Variants in ADGRV1 observed in about 807,000 individuals in gnomAD.
ADGRV1 encodes G-protein coupled receptor 98.
A neutral mutation model predicts 596.2 loss-of-function variants in ADGRV1; 359 were observed. The observed-to-expected ratio is 0.60, with a 90% CI of 0.55 to 0.66. The LOEUF (loss-of-function observed/expected upper bound fraction) is 0.66. ADGRV1 is among the 30% of genes least tolerant of loss of function. The probability of loss-of-function intolerance (pLI) is 0.00; values close to 1 mark genes in which losing one functional copy is unlikely to be tolerated. For missense variants in ADGRV1, 7,274 were observed against 7,575.6 expected, an observed-to-expected ratio of 0.96 and a Z score of 1.48; for synonymous variants, 2,681 against 2,679.2, an observed-to-expected ratio of 1.00 and a Z score of -0.02.
chr5:91,062,014 G>A (rs911565080), intron 85 of ADGRV1, among the ~76,000 whole-genome samples: 2 of 152,124 alleles, frequency 1.3e-5, no homozygotes, highest in African/African-American at 4.8e-5. Context: ...GCATTCCCGT[G>A]GATATTCAAA....
At position 90,619,081 on chromosome 5, in the gene ADGRV1, T is replaced by G; in HGVS notation, c.358-5T>G. 7.3e-7 allele frequency: 1 copy of G among 1,369,230 alleles called. No homozygotes were observed. Among genetic ancestry groups the G allele is most frequent in the Non-Finnish European group, 9.8e-7 (1 of 1,024,840 alleles). The allele number at this position is 1,369,230 out of a possible 1,614,324, so 84.8% of individuals were successfully genotyped here. A position where few individuals can be genotyped will look rare whatever the true frequency, so the allele number is the denominator to read the frequency against. On this transcript the variant is annotated splice_polypyrimidine_tract_variant and splice_region_variant and intron_variant, in intron 3 of 89. Transcript: ENST00000405460. ...CATTATTTTATTTTTGGGATTTTAT[T>G]TTAGAAACCTTCAGCAAATGTGAAG...
At chr5:90,564,374 T>TGGAAGAGAGGGAGTGGAAAAA (rs1755259855) in intron 1 of ADGRV1, among the ~76,000 whole-genome samples, 1 of 151,870 alleles carries the variant, frequency 6.6e-6, no homozygotes, top group Non-Finnish European at 1.5e-5. Context: ...TGAAAAATGG[T>TGGAAGAGAGGGAGTGGAAAAA]GGAAGAGAGG....
intron 52 of ADGRV1, among the ~76,000 whole-genome samples, chr5:90,748,596 G>C (rs116289785): frequency 6.6e-6 from 1 of 152,054 alleles, no homozygotes; most frequent in Admixed American, 6.5e-5. Context: ...GACATGAACT[G>C]GGTCTTGAGT....
In ADGRV1 at chr5:90,696,893, G is replaced by A. The variant is rs184812285; in HGVS notation, c.7946-44G>A. The A allele has an allele frequency of 3.0e-3, 4,262 of 1,442,372 alleles. 6 individuals are homozygous for A. Among genetic ancestry groups the A allele is most frequent in the Non-Finnish European group, 3.4e-3 (3,564 of 1,037,094 alleles). The allele number at this position is 1,442,372 out of a possible 1,614,324, so 89.3% of individuals were successfully genotyped here. A position where few individuals can be genotyped will look rare whatever the true frequency, so the allele number is the denominator to read the frequency against. The stretch of plus-strand genomic sequence containing the variant: ...GGGCCTTTCTGAGTTCTCTGTGTTG[G>A]TGATTTTGTTACTTTGGTTTTTATT... On this transcript the variant is annotated intron_variant, in intron 33 of 89. Transcript: ENST00000405460.
At chr5:91,152,157 T>A (rs1015211250) in intron 88 of ADGRV1, among the ~76,000 whole-genome samples, 1 of 152,204 alleles carries the variant, frequency 6.6e-6, no homozygotes, top group African/African-American at 2.4e-5. Context: ...TGGCCTTGAT[T>A]CAGCTGTCAG....
intron 86 of ADGRV1, among the ~76,000 whole-genome samples, chr5:91,076,067 C>T (rs6897325): frequency 5.3e-4 from 80 of 152,244 alleles, no homozygotes; most frequent in African/African-American, 1.8e-3. Flanking sequence ...ATGCAAGGGG[C>T]TTATCACCTT....
intron 85 of ADGRV1, among the ~76,000 whole-genome samples, chr5:91,016,918 A>G (rs2151170371): frequency 6.6e-6 from 1 of 152,066 alleles, no homozygotes. Context: ...ACAGAGAAAC[A>G]GAGAAGAGAA....
intron 83 of ADGRV1, among the ~76,000 whole-genome samples, chr5:90,943,689 C>G (rs548208510): frequency 2.6e-5 from 4 of 152,298 alleles, no homozygotes; most frequent in African/African-American, 7.2e-5. Flanking sequence ...TTCCTGGCCT[C>G]CTTCTAGCTG....
chr5:90,626,131 G>T (rs1484151899), intron 6 of ADGRV1: 1 of 151,920 alleles, frequency 6.6e-6, no homozygotes, highest in Non-Finnish European at 1.5e-5. Context: ...AAAATAGCTG[G>T]CAATTTGTAA....
intron 85 of ADGRV1, among the ~76,000 whole-genome samples, chr5:91,008,747 C>A (rs1282463397): frequency 1.3e-5 from 2 of 152,116 alleles, no homozygotes; most frequent in Non-Finnish European, 2.9e-5. Context: ...GATATCCTTC[C>A]GTCTCGGTCA....
chr5:90,686,162 TGG>T (rs201537579), intron 29 of ADGRV1, among the ~76,000 whole-genome samples, 167 bp downstream of exon 29: 1 of 146,476 alleles, frequency 6.8e-6, no homozygotes, highest in African/African-American at 2.5e-5. Flanking sequence ...TCTTTTTTTT[TGG>T]GGGGGGGGAT....
chr5:91,131,422 G>GTT (rs61693680), intron 87 of ADGRV1, among the ~76,000 whole-genome samples: 10 of 124,810 alleles, frequency 8.0e-5, no homozygotes, highest in African/African-American at 2.0e-4. Context: ...GTCTGTTTGG[G>GTT]TTTTTTTTTT....
chr5:90,947,331 G>GT (rs759367404), intron 83 of ADGRV1, among the ~76,000 whole-genome samples: 13 of 64,156 alleles, frequency 2.0e-4, no homozygotes, highest in African/African-American at 3.9e-4. Flanking sequence ...TTTTTAATGG[G>GT]GTTTTTTTTC....
intron 65 of ADGRV1, among the ~76,000 whole-genome samples, chr5:90,782,319 A>AT (rs144832164): frequency 0.014 from 2,066 of 152,154 alleles, 53 homozygotes; most frequent in African/African-American, 0.047. Context: ...ATACATCACT[A>AT]TTTTGTGAAC....
intron 89 of ADGRV1, among the ~76,000 whole-genome samples, chr5:91,154,360 G>A (rs906922028): frequency 6.6e-6 from 1 of 152,126 alleles, no homozygotes; most frequent in African/African-American, 2.4e-5. Flanking sequence ...ATATTGCTTT[G>A]CTAAAACATT....
intron 85 of ADGRV1, among the ~76,000 whole-genome samples, chr5:91,014,840 A>G (rs112986515): frequency 1.7e-3 from 113 of 68,344 alleles, no homozygotes; most frequent in African/African-American, 6.2e-3. Flanking sequence ...CAAAAAACCA[A>G]CTCCATCTTT....
chr5:90,926,863 C>T (rs975522252), intron 83 of ADGRV1, among the ~76,000 whole-genome samples: 5 of 151,962 alleles, frequency 3.3e-5, no homozygotes, highest in Non-Finnish European at 5.9e-5. Flanking sequence ...CAAAGAACAT[C>T]TTTATTTCTT....
intron 87 of ADGRV1, among the ~76,000 whole-genome samples, chr5:91,134,285 T>A (rs1243653787): frequency 6.6e-6 from 1 of 151,732 alleles, no homozygotes; most frequent in African/African-American, 2.4e-5. Flanking sequence ...CCTCCCACGC[T>A]CAAGCAATCA....
chr5:91,081,900 T>C (rs896919918), intron 86 of ADGRV1, among the ~76,000 whole-genome samples: 1 of 152,238 alleles, frequency 6.6e-6, no homozygotes, highest in Non-Finnish European at 1.5e-5. Flanking sequence ...AAAAGTGATA[T>C]GACTTCTGAT....
Sources: allele counts gnomAD v4.1 joint callset (sites outside exome capture counted in the v4.1 genomes callset), GRCh38; gene constraint gnomAD v4.1.1; transcripts MANE v1.5; gene names NCBI Gene and HGNC (gene_info 2026-07-23, HGNC 2026-07-21).